BTBD9: variants seen among roughly 807,000 people sequenced by gnomAD.
The protein encoded by BTBD9 is BTB/POZ domain-containing protein 9.
Under a neutral mutation model 64.3 loss-of-function variants are expected in BTBD9, and 49 were observed. The ratio of observed to expected loss-of-function variants is 0.76; its 90% CI spans 0.61 to 0.97. The LOEUF is 0.97. BTBD9 is among the 50% of genes least tolerant of loss of function. The pLI is 0.00. For missense variants in BTBD9, 598 were observed against 762.1 expected, an observed-to-expected ratio of 0.78 and a Z score of 2.53; for synonymous variants, 260 against 274.7, an observed-to-expected ratio of 0.95 and a Z score of 0.53.
intron 7 of BTBD9, among the ~76,000 whole-genome samples, chr6:38,317,166 T>C (rs1186547609): frequency 6.6e-6 from 1 of 152,046 alleles, no homozygotes. Flanking sequence ...CAGTCCATTT[T>C]TGGTATTTTT....
chr6:38,299,088 T>C (rs925968046), intron 7 of BTBD9, among the ~76,000 whole-genome samples: 5 of 152,278 alleles, frequency 3.3e-5, no homozygotes, highest in East Asian at 1.9e-4. Context: ...TTCCCACCTA[T>C]GAGTGAGAAC....
chr6:38,463,303 G>C (rs1172321508), intron 6 of BTBD9, among the ~76,000 whole-genome samples: 3 of 152,144 alleles, frequency 2.0e-5, no homozygotes, highest in Admixed American at 2.0e-4. Flanking sequence ...TTTCTGCATA[G>C]ACAATGATAT....
intron 9 of BTBD9, among the ~76,000 whole-genome samples, chr6:38,212,618 T>G (rs1215413069): frequency 6.6e-6 from 1 of 152,190 alleles, no homozygotes; most frequent in Non-Finnish European, 1.5e-5. Context: ...GCCACACCCC[T>G]TGCCAGCAGG....
intron 6 of BTBD9, among the ~76,000 whole-genome samples, chr6:38,529,183 C>T (rs1455482516): frequency 1.3e-5 from 2 of 152,178 alleles, no homozygotes; most frequent in Non-Finnish European, 2.9e-5. Context: ...AGACCCATTG[C>T]TAAGCTGGCT....
intron 6 of BTBD9, among the ~76,000 whole-genome samples, chr6:38,393,173 C>T (rs181809050): frequency 1.9e-3 from 284 of 152,224 alleles, no homozygotes; most frequent in Non-Finnish European, 3.1e-3. Context: ...GGATTACAGG[C>T]GTGAGCCACT....
chr6:38,303,990 C>G (rs60500173), intron 7 of BTBD9, among the ~76,000 whole-genome samples: 10,075 of 146,460 alleles, frequency 0.069, 950 homozygotes, highest in East Asian at 0.41. Flanking sequence ...GCATACTATT[C>G]TTTCTACTTT....
intron 6 of BTBD9, among the ~76,000 whole-genome samples, chr6:38,458,567 TA>T (rs1769925261): frequency 6.6e-6 from 1 of 152,174 alleles, no homozygotes; most frequent in Non-Finnish European, 1.5e-5. Flanking sequence ...AGGAAAAATG[TA>T]ACATCATAAC....
chr6:38,285,601 T>C (rs1370325116), intron 8 of BTBD9, among the ~76,000 whole-genome samples: 3 of 152,184 alleles, frequency 2.0e-5, no homozygotes, highest in Admixed American at 2.0e-4. Context: ...GCTACTAAAC[T>C]TCCCGTTTGC....
At chr6:38,182,385 G>C (rs1339622128) in intron 10 of BTBD9, among the ~76,000 whole-genome samples, 4 of 152,226 alleles carry the variant, frequency 2.6e-5, no homozygotes, top group East Asian at 1.9e-4. Context: ...TTCGGCTATA[G>C]AGTGGTAGAG....
chr6:38,507,070 G>A (rs1380509632), intron 6 of BTBD9, among the ~76,000 whole-genome samples: 1 of 152,142 alleles, frequency 6.6e-6, no homozygotes, highest in Non-Finnish European at 1.5e-5. Context: ...CTTCTCACCT[G>A]TCTCCTTCAC....
chr6:38,231,796 C>G (rs1582087648), intron 9 of BTBD9, among the ~76,000 whole-genome samples: 1 of 152,352 alleles, frequency 6.6e-6, no homozygotes, highest in African/African-American at 2.4e-5. Flanking sequence ...CCTACTATGA[C>G]AGCAGGGCAT....
chr6:38,568,671 A>G (rs6903004), intron 6 of BTBD9, among the ~76,000 whole-genome samples: 30,033 of 152,172 alleles, frequency 0.2, 3,384 homozygotes, highest in Non-Finnish European at 0.27. Context: ...TGATAGACTA[A>G]CATTCATTTC....
At chr6:38,328,541 T>C (rs1219206754) in intron 7 of BTBD9, among the ~76,000 whole-genome samples, 2 of 147,146 alleles carry the variant, frequency 1.4e-5, no homozygotes, top group South Asian at 2.2e-4. Flanking sequence ...GTGAAAAAAA[T>C]ATATTTCGGC....
chr6:38,196,439 G>A (rs982427438), intron 9 of BTBD9, among the ~76,000 whole-genome samples: 10 of 152,172 alleles, frequency 6.6e-5, no homozygotes. Flanking sequence ...GAGATACAGT[G>A]TTCCTGGGCC....
At chr6:38,449,532 T>TTA (rs1554154258) in intron 6 of BTBD9, among the ~76,000 whole-genome samples, 3 of 149,752 alleles carry the variant, frequency 2.0e-5, no homozygotes, top group Non-Finnish European at 3.0e-5. Context: ...GGCAGTCTCT[T>TTA]AAAAAAAAAA....
chr6:38,218,780 C>T (rs1174041120), intron 9 of BTBD9, among the ~76,000 whole-genome samples: 3 of 152,084 alleles, frequency 2.0e-5, no homozygotes, highest in Non-Finnish European at 4.4e-5. Context: ...GTCAGCTTGA[C>T]TTAATTTTTT....
intron 9 of BTBD9, among the ~76,000 whole-genome samples, chr6:38,206,113 G>A (rs1447411126): frequency 1.3e-5 from 2 of 151,930 alleles, no homozygotes; most frequent in Non-Finnish European, 2.9e-5. Context: ...GTATTAACCA[G>A]GTTACAAGAA....
intron 6 of BTBD9, among the ~76,000 whole-genome samples, chr6:38,496,323 T>C (rs900586358): frequency 4.6e-5 from 7 of 152,132 alleles, no homozygotes; most frequent in Non-Finnish European, 7.4e-5. Flanking sequence ...CATGAGTTTT[T>C]AAATGTTGAG....
intron 6 of BTBD9, among the ~76,000 whole-genome samples, chr6:38,346,316 A>G (rs892085788): frequency 1.3e-5 from 2 of 152,172 alleles, no homozygotes; most frequent in African/African-American, 4.8e-5. Flanking sequence ...GGGTTTTTAT[A>G]TCATGGGCTA....
Sources: gnomAD v4.1 joint callset for allele counts (sites outside exome capture counted in the v4.1 genomes callset) on GRCh38, gnomAD v4.1.1 for gene constraint, MANE v1.5 for transcripts, NCBI Gene and HGNC (gene_info 2026-07-23, HGNC 2026-07-21) for gene names.